The following ACRV1 variants were observed in gnomAD, a reference collection of about 807,000 sequenced individuals.
ACRV1 encodes acrosomal vesicle protein 1.
In ACRV1, 17 loss-of-function variants were observed where a neutral mutation model predicts 29.2. The observed-to-expected ratio is 0.58, with a 90% CI of 0.40 to 0.87. The LOEUF (loss-of-function observed/expected upper bound fraction) is 0.87. ACRV1 is among the 40% of genes least tolerant of loss of function. The pLI is 0.00. For synonymous variants in ACRV1, 98 were observed against 111.6 expected (o/e 0.88, Z 0.77); for missense variants, 294 against 316.0 (o/e 0.93, Z 0.53).
rs144943535 is a variant in ACRV1, at chr11:125,676,375, T to A, written c.657A>T (p.Leu219Phe). Reference protein sequence around the residue: ...CITQNSQQCMLKKIFEGGKLQ... With the variant: ...CITQNSQQCMFKKIFEGGKLQ... Reference sequence around the variant, plus strand: ...CCCATATACCTTCAAAGATCTTCTTTAACATGCACTGCTGGGAATTCTGAG... The same window carrying A: ...CCCATATACCTTCAAAGATCTTCTTAAACATGCACTGCTGGGAATTCTGAG... The change falls in exon 3 of 4, where the codon TTA becomes TTT. Residue 219 changes from leucine to phenylalanine, a missense_variant. Transcript: ENST00000533904. 6.2e-7 allele frequency: 1 copy of A among 1,614,202 alleles called. No individual in the cohort carries two copies. Among genetic ancestry groups the A allele is most frequent in the Non-Finnish European group, 8.5e-7 (1 of 1,180,028 alleles).
Position 125,677,899 on chromosome 11 carries a change from C to T in ACRV1, c.451G>A (p.Gly151Ser), listed in dbSNP as rs138027533. The T allele has an allele frequency of 5.3e-4, 855 of 1,613,948 alleles. 3 individuals are homozygous for T. Among genetic ancestry groups the T allele is most frequent in the Middle Eastern group, 2.0e-3 (12 of 6,084 alleles). The change falls in exon 2 of 4, where the codon GGT becomes AGT. Residue 151 changes from glycine to serine, a missense_variant. Gly to Ser is a moderately conservative substitution (Grantham distance 56). Transcript: ENST00000533904. ...DEQPSGEHGS[G>S]EQPSGEQASG... The stretch of plus-strand genomic sequence containing the variant: ...GCCTGCTCACCAGAAGGCTGTTCAC[C>T]GGAGCCATGTTCACCTGAAGGCTGT...
chr11:125,675,818 C>T (rs1402437264), intron 3 of ACRV1: 1 of 153,260 alleles, frequency 6.5e-6, no homozygotes, highest in Non-Finnish European at 1.5e-5. Context: ...CAGCTAGTCT[C>T]TCTGCCTTCT....
At position 125,677,780 on chromosome 11, in the gene ACRV1, A is replaced by G. The variant is rs1019922543; in HGVS notation, c.553+17T>C. On this transcript the variant is annotated intron_variant, in intron 2 of 3. Coordinates refer to ENST00000533904, the MANE Select transcript of ACRV1 (RefSeq NM_001612.6). Reference sequence around the variant, plus strand: ...CACCTGAAGTCAATGACTGGCACCCATCCAAACATGGCTCACCTGTAGATG... The same window carrying G: ...CACCTGAAGTCAATGACTGGCACCCGTCCAAACATGGCTCACCTGTAGATG... 7 of 1,612,088 alleles carry G rather than the reference A, an allele frequency of 4.3e-6. No homozygotes were observed. Among genetic ancestry groups the G allele is most frequent in the Non-Finnish European group, 5.9e-6 (7 of 1,178,292 alleles).
At chr11:125,679,663 T>C (rs1942706958) in intron 1 of ACRV1, among the ~76,000 whole-genome samples, 1 of 152,250 alleles carries the variant, frequency 6.6e-6, no homozygotes, top group South Asian at 2.1e-4. Context: ...AACCAAGTTA[T>C]TTAATTCTAG....
chr11:125,672,407 G>A lies in ACRV1; in HGVS notation c.*186C>T. The A allele has an allele frequency of 1.5e-6, 1 of 664,898 alleles. No homozygotes were observed. Among genetic ancestry groups the A allele is most frequent in the Non-Finnish European group, 2.5e-6 (1 of 403,732 alleles). 41.2% of individuals were successfully genotyped at this position (664,898 alleles called of 1,614,324 possible). A position where few individuals can be genotyped will look rare whatever the true frequency, so the allele number is the denominator to read the frequency against. On this transcript the variant is annotated 3_prime_UTR_variant, in exon 4 of 4. Coordinates refer to ENST00000533904, the MANE Select transcript of ACRV1 (RefSeq NM_001612.6). ...AGAAAGAGTTGGAGCAGGGAAGACA[G>A]GACAGAGAAGAATGGATAAAAGCAT...
At chr11:125,680,237 G>C (rs1942735798) in intron 1 of ACRV1, among the ~76,000 whole-genome samples, 1 of 152,228 alleles carries the variant, frequency 6.6e-6, no homozygotes, top group Non-Finnish European at 1.5e-5. Flanking sequence ...CCCAAAAGAA[G>C]AGATGATACA....
In ACRV1 at chr11:125,679,216, C is replaced by CTTTTTTTTTTTTTTTTTTTTTTTTT. The variant is rs71045115; in HGVS notation, c.53-920_53-919insAAAAAAAAAAAAAAAAAAAAAAAAA. 3.8e-4 allele frequency among the ~76,000 whole-genome samples: 46 copies of CTTTTTTTTTTTTTTTTTTTTTTTTT among 121,044 alleles called. 2 individuals carry two copies. The highest frequency in any genetic ancestry group is 1.4e-3 in the African/African-American group (43 of 31,638). 79.4% of individuals were successfully genotyped at this position (121,044 alleles called of 152,430 possible). A position where few individuals can be genotyped will look rare whatever the true frequency, so the allele number is the denominator to read the frequency against. On this transcript the variant is annotated intron_variant, in intron 1 of 3. Coordinates refer to ENST00000533904, the MANE Select transcript of ACRV1 (RefSeq NM_001612.6). ...TCTTCTACCTTTAATCCGTCTCTTT[C>CTTTTTTTTTTTTTTTTTTTTTTTTT]TTTTTTTTTTTTTGTTTCAAAGATA...
chr11:125,673,090 T>C (rs565496721), intron 3 of ACRV1, among the ~76,000 whole-genome samples: 1 of 152,268 alleles, frequency 6.6e-6, no homozygotes, highest in African/African-American at 2.4e-5. Flanking sequence ...GACCCTACTA[T>C]GCCGAAACCT....
In ACRV1 at chr11:125,677,952, A is replaced by G. The variant is rs1240632120; in HGVS notation, c.398T>C (p.Leu133Pro). ...HLSGEQPLSE[L>P]ESGEQPSDEQ... ...ATCTGAAGGCTGTTCACCTGACTCA[A>G]GCTCACTCAAAGGCTGTTCTCCGGA... Residue 133 changes from leucine (L) to proline (P), a missense_variant, in exon 2 of 4, where the codon CTT becomes CCT. By Grantham distance (98) the Leu-to-Pro change is moderately conservative. Transcript: ENST00000533904. 3.1e-6 allele frequency: 5 copies of G among 1,612,206 alleles called. No homozygotes were observed. Among genetic ancestry groups the G allele is most frequent in the Admixed American group, 1.7e-5 (1 of 59,924 alleles).
intron 3 of ACRV1, among the ~76,000 whole-genome samples, chr11:125,675,625 G>C (rs1364260153): frequency 2.0e-5 from 3 of 152,172 alleles, no homozygotes; most frequent in Admixed American, 2.0e-4. Flanking sequence ...TACTCAGACT[G>C]GTCTGGTAAC....
Position 125,672,663 on chromosome 11 carries a change from T to C in ACRV1, c.728A>G (p.Asn243Ser). 6.2e-7 allele frequency: 1 copy of C among 1,613,986 alleles called. No homozygotes were observed. Among genetic ancestry groups the C allele is most frequent in the Admixed American group, 1.7e-5 (1 of 59,986 alleles). Residue 243 changes from asparagine to serine, a missense_variant, in exon 4 of 4, where the codon AAC (asparagine) becomes AGC (serine). Coordinates refer to ENST00000533904, the MANE Select transcript of ACRV1 (RefSeq NM_001612.6). ...CATCCTCGTTCCATGGGAGAAGAGGTTCATAGATGGGCACATGTTCTCACA... is the reference window on the plus strand; with the variant it reads ...CATCCTCGTTCCATGGGAGAAGAGGCTCATAGATGGGCACATGTTCTCACA... ...QGCENMCPSM[N>S]LFSHGTRMQI...
chr11:125,680,800 G>A lies in ACRV1; in HGVS notation c.-20C>T, dbSNP rs368291001. The A allele has an allele frequency of 5.2e-4, 835 of 1,611,052 alleles. 15 individuals are homozygous for A. In the South Asian group the frequency reaches 8.5e-3, roughly 16 times the overall value. Reference sequence around the variant, plus strand: ...GTTCATCTGGATTTAGGAAAAGAGGGGACCCCAGTGTGGGCCACAGCTTCT... The same window carrying A: ...GTTCATCTGGATTTAGGAAAAGAGGAGACCCCAGTGTGGGCCACAGCTTCT... On this transcript the variant is annotated 5_prime_UTR_variant, in exon 1 of 4. Coordinates refer to ENST00000533904, the MANE Select transcript of ACRV1 (RefSeq NM_001612.6).
rs748990211 is a variant in ACRV1, at chr11:125,678,618, C to T, written c.53-321G>A. The stretch of plus-strand genomic sequence containing the variant: ...CCCTGAAGGAAAATGAATGTGCCTC[C>T]CTGACAAAGTCAGCATCAGGAAGTC... On this transcript the variant is annotated intron_variant, in intron 1 of 3. Transcript: ENST00000533904. 1.3e-4 allele frequency among the ~76,000 whole-genome samples: 20 copies of T among 152,062 alleles called. No individual in the cohort carries two copies. In the South Asian group the frequency reaches 3.1e-3, roughly 24 times the overall value.
In ACRV1 at chr11:125,671,536, A is replaced by C. The variant is rs1403512615; in HGVS notation, c.*1057T>G. ...GGGGAAGGGGTCATGATGTGTATAT[A>C]TGTTGAAATTTTAAATTTTATATAC... On this transcript the variant is annotated 3_prime_UTR_variant, in exon 4 of 4. Transcript: ENST00000533904. The C allele has an allele frequency of 6.6e-6, 1 of 152,172 alleles. No individual in the cohort carries two copies. Among genetic ancestry groups the C allele is most frequent in the Non-Finnish European group, 1.5e-5 (1 of 68,040 alleles). 9.4% of individuals were successfully genotyped at this position (152,172 alleles called of 1,614,324 possible).
intron 1 of ACRV1, among the ~76,000 whole-genome samples, chr11:125,680,081 T>C (rs891158737): frequency 1.4e-4 from 21 of 152,212 alleles, no homozygotes; most frequent in African/African-American, 5.1e-4. Context: ...TGAGTCAACT[T>C]TTGAAGGTCT....
At chr11:125,678,954 T>TAA (rs1171041691) in intron 1 of ACRV1, among the ~76,000 whole-genome samples, 4 of 83,048 alleles carry the variant, frequency 4.8e-5, no homozygotes, top group South Asian at 4.2e-4. Flanking sequence ...GCTATTAAGG[T>TAA]AAAAAAAAAA....
chr11:125,678,386 A>G, intron 1 of ACRV1, 89 bp from the exon 2 acceptor site: 1 of 1,483,304 alleles, frequency 6.7e-7, no homozygotes, highest in Non-Finnish European at 9.1e-7. Context: ...TAATGTTATG[A>G]GACTCCTAGG....
rs761249987 is a variant in ACRV1, at chr11:125,676,435, T to G, written c.597A>C (p.Gln199His). ...TTCCCTCTCCACGAAGACATTTTCCTTGATCATTCATATAAGCACATGTGT... is the reference window on the plus strand; with the variant it reads ...TTCCCTCTCCACGAAGACATTTTCCGTGATCATTCATATAAGCACATGTGT... ...NCYTCAYMND[Q>H]GKCLRGEGTC... is the part of the protein sequence containing the mutation. Residue 199 changes from glutamine to histidine, a missense_variant, in exon 3 of 4, where the codon CAA becomes CAC. Transcript: ENST00000533904. The G allele has an allele frequency of 5.6e-6, 9 of 1,614,026 alleles. No individual in the cohort carries two copies. The East Asian group carries it at 2.0e-4, about 36-fold the overall frequency.
chr11:125,677,761 A>C (rs747558449), intron 2 of ACRV1, 36 bp downstream of exon 2: 3 of 1,607,030 alleles, frequency 1.9e-6, no homozygotes, highest in Non-Finnish European at 8.5e-7. Context: ...TTCCCACCTG[A>C]AGTCAATGAC....
Sources: gnomAD v4.1 joint callset for allele counts (sites outside exome capture counted in the v4.1 genomes callset) on GRCh38, gnomAD v4.1.1 for gene constraint, MANE v1.5 for transcripts, NCBI Gene and HGNC (gene_info 2026-07-23, HGNC 2026-07-21) for gene names.